The following KCND3 variants were observed in gnomAD, a reference collection of about 807,000 sequenced individuals.
The protein encoded by KCND3 is A-type voltage-gated potassium channel KCND3.
Under a neutral mutation model 51.1 loss-of-function variants are expected in KCND3, and 9 were observed. That is an observed-to-expected ratio of 0.18 (90% confidence interval 0.11 to 0.31). The LOEUF (loss-of-function observed/expected upper bound fraction) is 0.31, where lower values mean the gene tolerates loss of function less well. Among genes scored for constraint, KCND3 ranks in the 10% least tolerant of loss-of-function variants. KCND3 has a pLI of 1.00. For missense variants in KCND3, 526 were observed against 903.8 expected, an observed-to-expected ratio of 0.58 and a Z score of 5.36; for synonymous variants, 349 against 368.0, an observed-to-expected ratio of 0.95 and a Z score of 0.59.
chr1:111,921,028 G>T (rs1021490942), intron 2 of KCND3, among the ~76,000 whole-genome samples: 7 of 152,166 alleles, frequency 4.6e-5, no homozygotes, highest in African/African-American at 9.7e-5. Context: ...AATTCCAGGG[G>T]GAAGAAGACA....
rs576101739 is a variant in KCND3 at position 111,853,269 on chromosome 1, C to T, written c.1107-66163G>A. Among the ~76,000 whole-genome samples the T allele has an allele frequency of 1.1e-4, 16 of 152,266 alleles. No individual in the cohort carries two copies. The South Asian group carries it at 3.3e-3, about 32-fold the overall frequency. On this transcript the variant is annotated intron_variant, in intron 2 of 7. Coordinates refer to ENST00000302127, the MANE Select transcript of KCND3 (RefSeq NM_001378969.1). ...ATCTTTTTTGAGTCATTTTTATCTC[C>T]CCTCTCTGGGAAAGTGTGACAATAA...
intron 2 of KCND3, among the ~76,000 whole-genome samples, chr1:111,788,001 C>G (rs1210558390): frequency 6.6e-6 from 1 of 152,220 alleles, no homozygotes; most frequent in Non-Finnish European, 1.5e-5. Context: ...AGCTCAGCCC[C>G]TTAAAGCTGT....
At position 111,929,673 on chromosome 1, in the gene KCND3, C is replaced by T. The variant is rs978246815; in HGVS notation, c.1106+51948G>A. ...TGAAGAGGACGCTGCAGGGATCCCA[C>T]GACTGCCTCTCCCATCCTGCTTGTG... On this transcript the variant is annotated intron_variant, in intron 2 of 7. Coordinates refer to ENST00000302127, the MANE Select transcript of KCND3 (RefSeq NM_001378969.1). Among the ~76,000 whole-genome samples the T allele has an allele frequency of 5.3e-5, 8 of 152,202 alleles. No homozygotes were observed. In the South Asian group the frequency reaches 6.2e-4, roughly 12 times the overall value.
intron 2 of KCND3, among the ~76,000 whole-genome samples, chr1:111,836,730 C>A (rs115078687): frequency 8.8e-6 from 1 of 113,368 alleles, no homozygotes; most frequent in Non-Finnish European, 2.0e-5. Flanking sequence ...AGACCCCCAG[C>A]GACCCCTGAG....
chr1:111,777,326 G>A, intron 6 of KCND3, 53 bp from the exon 7 acceptor site: 1 of 1,588,802 alleles, frequency 6.3e-7, no homozygotes, highest in Non-Finnish European at 8.6e-7. Flanking sequence ...GAGGAGAGAG[G>A]TAAGCCCCTA....
chr1:111,923,965 A>G (rs1245974983), intron 2 of KCND3, among the ~76,000 whole-genome samples: 2 of 152,218 alleles, frequency 1.3e-5, no homozygotes, highest in African/African-American at 2.4e-5. Flanking sequence ...GACATGGCTT[A>G]GGACTTCAAT....
intron 2 of KCND3, among the ~76,000 whole-genome samples, chr1:111,978,163 C>G (rs1299317188): frequency 6.6e-6 from 1 of 152,210 alleles, no homozygotes; most frequent in Non-Finnish European, 1.5e-5. Flanking sequence ...AGATCCCTCC[C>G]TGGAGGACAC....
chr1:111,895,491 G>A (rs1670063315), intron 2 of KCND3, among the ~76,000 whole-genome samples: 1 of 152,192 alleles, frequency 6.6e-6, no homozygotes, highest in Non-Finnish European at 1.5e-5. Flanking sequence ...GTGACATAGC[G>A]AGCACTGTTT....
chr1:111,933,369 T>C (rs1156412920), intron 2 of KCND3, among the ~76,000 whole-genome samples: 2 of 152,222 alleles, frequency 1.3e-5, no homozygotes, highest in Non-Finnish European at 1.5e-5. Context: ...AGAAACTGCT[T>C]AGCACAGCCC....
chr1:111,815,779 G>GT (rs1201843716), intron 2 of KCND3, among the ~76,000 whole-genome samples: 2 of 151,882 alleles, frequency 1.3e-5, no homozygotes, highest in African/African-American at 2.4e-5. Flanking sequence ...TTATCTAGTT[G>GT]TGGTTTTCTT....
At position 111,881,979 on chromosome 1, in the gene KCND3, T is replaced by G. The variant is rs183318372; in HGVS notation, c.1107-94873A>C. On this transcript the variant is annotated intron_variant, in intron 2 of 7. Coordinates refer to ENST00000302127, the MANE Select transcript of KCND3 (RefSeq NM_001378969.1). Reference sequence around the variant, plus strand: ...CCCTGTTAATGATCAGGTTTATTCCTGGGAACGGAACACCATGGGACCCTG... The same window carrying G: ...CCCTGTTAATGATCAGGTTTATTCCGGGGAACGGAACACCATGGGACCCTG... 2.0e-5 allele frequency among the ~76,000 whole-genome samples: 3 copies of G among 152,250 alleles called. No individual in the cohort carries two copies. The East Asian group carries it at 5.8e-4, about 29-fold the overall frequency.
At chr1:111,983,740 C>G (rs1217295118) in intron 1 of KCND3, among the ~76,000 whole-genome samples, 1 of 152,166 alleles carries the variant, frequency 6.6e-6, no homozygotes, top group Non-Finnish European at 1.5e-5. Flanking sequence ...ATACCAGCCT[C>G]TCTCACCTGG....
intron 2 of KCND3, among the ~76,000 whole-genome samples, chr1:111,828,790 CT>C (rs1462202238): frequency 6.6e-6 from 1 of 152,214 alleles, no homozygotes; most frequent in Non-Finnish European, 1.5e-5. Context: ...ACCCCAGCCA[CT>C]GCTGCATGAG....
chr1:111,955,290 T>A (rs534728479), intron 2 of KCND3, among the ~76,000 whole-genome samples: 1 of 152,086 alleles, frequency 6.6e-6, no homozygotes, highest in Non-Finnish European at 1.5e-5. Flanking sequence ...GGCACATGCC[T>A]GTATTCCCTG....
chr1:111,827,825 T>C (rs965059423), intron 2 of KCND3, among the ~76,000 whole-genome samples: 10 of 152,182 alleles, frequency 6.6e-5, no homozygotes, highest in African/African-American at 2.4e-4. Flanking sequence ...GATACCCTGA[T>C]GACCAGCCAG....
rs1664069043 is a variant in KCND3 at position 111,775,538 on chromosome 1, C to T, written c.*539G>A. 1 of 168,198 alleles carries T rather than the reference C, an allele frequency of 5.9e-6. No individual in the cohort carries two copies. Among genetic ancestry groups the T allele is most frequent in the Admixed American group, 5.5e-5 (1 of 18,194 alleles). The allele number at this position is 168,198 out of a possible 1,614,324, so 10.4% of individuals were successfully genotyped here. A position where few individuals can be genotyped will look rare whatever the true frequency, so the allele number is the denominator to read the frequency against. ...TTGTTTTGGTTCAAAGGTGTTGGGT[C>T]CATGGAGAAAAACATTTCACAAAAA... On this transcript the variant is annotated 3_prime_UTR_variant, in exon 8 of 8. Transcript: ENST00000302127.
intron 2 of KCND3, among the ~76,000 whole-genome samples, chr1:111,947,804 A>C (rs924870016): frequency 3.3e-5 from 5 of 152,214 alleles, no homozygotes; most frequent in Non-Finnish European, 5.9e-5. Context: ...GAATTGTCAG[A>C]GGGACCTGTG....
At chr1:111,801,412 CCAGA>C (rs1665301926) in intron 2 of KCND3, among the ~76,000 whole-genome samples, 1 of 152,224 alleles carries the variant, frequency 6.6e-6, no homozygotes, top group African/African-American at 2.4e-5. Context: ...GGCTGGTCAA[CCAGA>C]CAAACTCTTA....
At chr1:111,871,331 C>T (rs147888716) in intron 2 of KCND3, among the ~76,000 whole-genome samples, 8 of 152,080 alleles carry the variant, frequency 5.3e-5, no homozygotes, top group Non-Finnish European at 1.2e-4. Context: ...ATTATCAAGG[C>T]AATGAAGGAA....
Sources: allele counts gnomAD v4.1 joint callset (sites outside exome capture counted in the v4.1 genomes callset), GRCh38; gene constraint gnomAD v4.1.1; transcripts MANE v1.5; gene names NCBI Gene and HGNC (gene_info 2026-07-23, HGNC 2026-07-21).